KCNH5: variants seen among roughly 807,000 people sequenced by gnomAD.
KCNH5 encodes voltage-gated delayed rectifier potassium channel KCNH5.
In KCNH5, 46 loss-of-function variants were observed where a neutral mutation model predicts 96.1. The observed-to-expected ratio is 0.48, with a 90% CI of 0.38 to 0.61. The LOEUF is 0.61. KCNH5 is among the 20% of genes least tolerant of loss of function. The pLI, the probability that KCNH5 is intolerant of heterozygous loss-of-function variation, is 0.00. For synonymous variants in KCNH5, 439 were observed against 449.8 expected (o/e 0.98, Z 0.30); for missense variants, 907 against 1,225.8 (o/e 0.74, Z 3.88).
At chr14:62,711,234 C>G (rs76201255) in intron 10 of KCNH5, among the ~76,000 whole-genome samples, 3,894 of 152,016 alleles carry the variant, frequency 0.026, 121 homozygotes, top group East Asian at 0.1. Flanking sequence ...CCCCACCCAC[C>G]CCCAACCAAG....
intron 5 of KCNH5, among the ~76,000 whole-genome samples, chr14:62,982,714 T>A (rs1317172423): frequency 6.6e-6 from 1 of 152,214 alleles, no homozygotes; most frequent in East Asian, 1.9e-4. Context: ...ATCTGAAAAC[T>A]AAGAATATAA....
At chr14:62,929,044 A>G (rs186013302) in intron 7 of KCNH5, among the ~76,000 whole-genome samples, 279 of 152,176 alleles carry the variant, frequency 1.8e-3, no homozygotes, top group Non-Finnish European at 2.4e-3. Flanking sequence ...TTACGTGTCT[A>G]TGCAGCGTCT....
chr14:62,899,562 T>A (rs1275748982), intron 7 of KCNH5, among the ~76,000 whole-genome samples: 2 of 152,150 alleles, frequency 1.3e-5, no homozygotes. Context: ...CCGGGCGCGG[T>A]GGCTCACGCC....
chr14:62,834,786 G>A (rs796359105), intron 8 of KCNH5, among the ~76,000 whole-genome samples: 15 of 151,856 alleles, frequency 9.9e-5, no homozygotes, highest in South Asian at 2.1e-4. Flanking sequence ...GAGAAAAAAT[G>A]GAATTCAAAT....
rs58900799 is a variant in KCNH5, at chr14:62,886,121, GACACAC to G, written c.1370-36275_1370-36270del. ...CCTTGAAAACACAGCACCTGCAGAG[GACACAC>G]ACACACACACACACACACACACACA... On this transcript the variant is annotated intron_variant, in intron 7 of 10. Coordinates refer to ENST00000322893, the MANE Select transcript of KCNH5 (RefSeq NM_139318.5). Among the ~76,000 whole-genome samples the G allele has an allele frequency of 2.9e-3, 432 of 147,906 alleles. 6 individuals carry two copies. Among genetic ancestry groups the G allele is most frequent in the African/African-American group, 9.1e-3 (369 of 40,394 alleles).
chr14:62,736,412 C>T (rs941574022), intron 10 of KCNH5, among the ~76,000 whole-genome samples: 1 of 147,742 alleles, frequency 6.8e-6, no homozygotes, highest in East Asian at 2.0e-4. Flanking sequence ...AAAAAAAAAG[C>T]TGTCTAAATC....
At chr14:62,777,731 G>A (rs561670439) in intron 10 of KCNH5, among the ~76,000 whole-genome samples, 14 of 152,260 alleles carry the variant, frequency 9.2e-5, no homozygotes, top group Middle Eastern at 6.8e-3. Flanking sequence ...CAGGCACAGC[G>A]TTTCTGGGTC....
chr14:62,731,303 A>AAAT (rs545817069), intron 10 of KCNH5, among the ~76,000 whole-genome samples: 16 of 151,740 alleles, frequency 1.1e-4, no homozygotes, highest in South Asian at 1.0e-3. Context: ...TCCGTCTAAA[A>AAAT]AATAATAATA....
intron 7 of KCNH5, among the ~76,000 whole-genome samples, chr14:62,902,240 G>T (rs574131799): frequency 6.6e-5 from 10 of 151,040 alleles, no homozygotes; most frequent in Middle Eastern, 6.9e-3. Flanking sequence ...GTCAATTTTT[G>T]ATTTTTCTTC....
chr14:63,011,583 A>T (rs1403769245), intron 2 of KCNH5, among the ~76,000 whole-genome samples: 1 of 152,202 alleles, frequency 6.6e-6, no homozygotes, highest in Non-Finnish European at 1.5e-5. Flanking sequence ...AAGGTTTCAC[A>T]ACCCATTGAT....
At chr14:62,826,408 ATGTGTGTGTGTGTG>A (rs71451280) in intron 8 of KCNH5, among the ~76,000 whole-genome samples, 3 of 141,982 alleles carry the variant, frequency 2.1e-5, no homozygotes, top group African/African-American at 7.8e-5. Flanking sequence ...GCGTGCGTGC[ATGTGTGTGTGTGTG>A]TGTGTGTGTG....
chr14:62,761,076 C>T (rs781461984), intron 10 of KCNH5, among the ~76,000 whole-genome samples: 11 of 152,218 alleles, frequency 7.2e-5, no homozygotes, highest in Non-Finnish European at 1.5e-4. Flanking sequence ...TACGGTCGGC[C>T]AGGCAGGGTG....
At chr14:62,972,248 C>T (rs114737826) in intron 6 of KCNH5, among the ~76,000 whole-genome samples, 2,170 of 152,246 alleles carry the variant, frequency 0.014, 51 homozygotes, top group African/African-American at 0.05. Flanking sequence ...GCAATATATG[C>T]CATTTGTCAA....
At chr14:62,887,517 A>C (rs564282139) in intron 7 of KCNH5, among the ~76,000 whole-genome samples, 6 of 152,258 alleles carry the variant, frequency 3.9e-5, no homozygotes, top group African/African-American at 1.4e-4. Flanking sequence ...AGAAGTGTCT[A>C]AATAGATCTG....
chr14:62,764,588 C>T (rs1164745399), intron 10 of KCNH5, among the ~76,000 whole-genome samples: 3 of 152,044 alleles, frequency 2.0e-5, no homozygotes, highest in African/African-American at 7.2e-5. Context: ...ACTATCTCTT[C>T]CTAGATTATA....
intron 1 of KCNH5, among the ~76,000 whole-genome samples, chr14:63,039,137 T>C (rs1041561428): frequency 1.3e-5 from 2 of 152,030 alleles, no homozygotes; most frequent in African/African-American, 4.8e-5. Context: ...AAAACCAAAA[T>C]TGTGTGGAAC....
chr14:62,785,400 A>G (rs959880773), intron 9 of KCNH5, among the ~76,000 whole-genome samples: 5 of 152,198 alleles, frequency 3.3e-5, no homozygotes, highest in Non-Finnish European at 7.3e-5. Context: ...TTACTGTACA[A>G]AAGATTTTGC....
rs1294771061 is a variant in KCNH5, at chr14:62,946,393, T to A, written c.1369+3740A>T. 5.9e-5 allele frequency among the ~76,000 whole-genome samples: 9 copies of A among 152,174 alleles called. No individual in the cohort carries two copies. The East Asian group carries it at 1.7e-3, about 29-fold the overall frequency. On this transcript the variant is annotated intron_variant, in intron 7 of 10. Coordinates refer to ENST00000322893, the MANE Select transcript of KCNH5 (RefSeq NM_139318.5). ...TGGCAATTTCTTTAAAAATTGAACATACACTTATCACATGTCCCAGTAATC... is the reference window on the plus strand; with the variant it reads ...TGGCAATTTCTTTAAAAATTGAACAAACACTTATCACATGTCCCAGTAATC...
chr14:62,973,257 G>A (rs1594653526), intron 6 of KCNH5, among the ~76,000 whole-genome samples: 1 of 152,150 alleles, frequency 6.6e-6, no homozygotes, highest in Non-Finnish European at 1.5e-5. Context: ...ACTTAATGTT[G>A]GCATGCTATC....
Sources: gnomAD v4.1 joint callset for allele counts (sites outside exome capture counted in the v4.1 genomes callset) on GRCh38, gnomAD v4.1.1 for gene constraint, MANE v1.5 for transcripts, NCBI Gene and HGNC (gene_info 2026-07-23, HGNC 2026-07-21) for gene names.